The following SLC35A4 variants were observed in gnomAD, a reference collection of about 807,000 sequenced individuals.
SLC35A4 encodes the protein solute carrier family 35 member A4.
In SLC35A4, 9 loss-of-function variants were observed where a neutral mutation model predicts 18.8. The observed-to-expected ratio is 0.48, with a 90% confidence interval of 0.29 to 0.83. The LOEUF is 0.83. Ranked by LOEUF, SLC35A4 falls within the 40% of genes least tolerant of loss-of-function variation. The pLI, the probability that SLC35A4 is intolerant of heterozygous loss-of-function variation, is 0.09. For missense variants in SLC35A4, 404 were observed against 415.5 expected (o/e 0.97, Z 0.24); for synonymous variants, 189 against 191.9 (o/e 0.98, Z 0.13).
Position 140,568,903 on chromosome 5 carries a change from G to A in SLC35A4, c.*759G>A, listed in dbSNP as rs985083456. 1 of 167,198 alleles carries A rather than the reference G, an allele frequency of 6.0e-6. No individual in the cohort carries two copies. The highest frequency in any genetic ancestry group is 2.4e-5 in the African/African-American group (1 of 41,460). 10.4% of individuals were successfully genotyped at this position (167,198 alleles called of 1,614,324 possible). ...CTACCCACTCTGAGGCTCCTAGGAG[G>A]TACCATGCTTCCCACTCTGGGGCCT... On this transcript the variant is annotated 3_prime_UTR_variant, in exon 3 of 3. Transcript: ENST00000323146.
intron 1 of SLC35A4, chr5:140,565,663 A>C (rs770271116): frequency 2.8e-6 from 1 of 360,940 alleles, no homozygotes; most frequent in Admixed American, 4.7e-5. Flanking sequence ...TTACTGGTTC[A>C]GATCCCATCT....
Position 140,566,793 on chromosome 5 carries a change from C to T in SLC35A4, c.-377C>T. 1.7e-6 allele frequency: 1 copy of T among 599,106 alleles called. No homozygotes were observed. Among genetic ancestry groups the T allele is most frequent in the East Asian group, 2.8e-5 (1 of 36,314 alleles). 37.1% of individuals were successfully genotyped at this position (599,106 alleles called of 1,614,324 possible). ...GGTGCCATGGAAGAGGCAGGATGAG[C>T]AGCTCAGCCTTCAGGTGGAGACACT... On this transcript the variant is annotated 5_prime_UTR_variant, in exon 3 of 3. Transcript: ENST00000323146.
In SLC35A4 at chr5:140,567,116, C is replaced by T; in HGVS notation, c.-54C>T. The T allele has an allele frequency of 3.7e-6, 6 of 1,613,346 alleles. No individual in the cohort carries two copies. Among genetic ancestry groups the T allele is most frequent in the Non-Finnish European group, 5.1e-6 (6 of 1,179,974 alleles). On this transcript the variant is annotated 5_prime_UTR_variant, in exon 3 of 3. Coordinates refer to ENST00000323146, the MANE Select transcript of SLC35A4 (RefSeq NM_080670.4). Reference sequence around the variant, plus strand: ...AGCTGGCTCCATAACTTGATTTTCCCCAAACGTGTTGCAATCCCTGCTGCC... The same window carrying T: ...AGCTGGCTCCATAACTTGATTTTCCTCAAACGTGTTGCAATCCCTGCTGCC...
At position 140,566,694 on chromosome 5, in the gene SLC35A4, T is replaced by G. The variant is rs1269200924; in HGVS notation, c.-476T>G. The G allele has an allele frequency of 5.3e-5, 30 of 569,936 alleles. No individual in the cohort carries two copies. Among genetic ancestry groups the G allele is most frequent in the Non-Finnish European group, 2.8e-5 (9 of 321,738 alleles). 35.3% of individuals were successfully genotyped at this position (569,936 alleles called of 1,614,324 possible). A position where few individuals can be genotyped will look rare whatever the true frequency, so the allele number is the denominator to read the frequency against. On this transcript the variant is annotated 5_prime_UTR_variant, in exon 3 of 3. Transcript: ENST00000323146. ...CACTGGCATCTATGCGGCTCAGGCATATGCTGTGCCCAACGTGGAGAAGAC... is the reference window on the plus strand; with the variant it reads ...CACTGGCATCTATGCGGCTCAGGCAGATGCTGTGCCCAACGTGGAGAAGAC...
rs1755206582 is a variant in SLC35A4, at chr5:140,567,156, G to T, written c.-14G>T. On this transcript the variant is annotated 5_prime_UTR_variant, in exon 3 of 3. Coordinates refer to ENST00000323146, the MANE Select transcript of SLC35A4 (RefSeq NM_080670.4). ...TCCCTGCTGCCCCTTAGCCACCCAGGGTCTTGTGTGGGTATGAGTGTAGAG... is the reference window on the plus strand; with the variant it reads ...TCCCTGCTGCCCCTTAGCCACCCAGTGTCTTGTGTGGGTATGAGTGTAGAG... 6.2e-7 allele frequency: 1 copy of T among 1,614,200 alleles called. No homozygotes were observed. Among genetic ancestry groups the T allele is most frequent in the African/African-American group, 1.3e-5 (1 of 75,060 alleles).
In SLC35A4 at chr5:140,567,680, C is replaced by T. The variant is rs1345327491; in HGVS notation, c.511C>T (p.Pro171Ser). The T allele has an allele frequency of 1.2e-6, 2 of 1,614,054 alleles. No homozygotes were observed. The highest frequency in any genetic ancestry group is 1.1e-5 in the South Asian group (1 of 91,078). Residue 171 changes from proline to serine, a missense_variant, in exon 3 of 3, where the codon CCC (proline) becomes TCC (serine). Physicochemically the swap from Pro to Ser is moderately conservative, Grantham distance 74. Transcript: ENST00000323146. ...LQVPGNTLPS[P>S]PPAAAASPMP... The stretch of plus-strand genomic sequence containing the variant: ...AGTTCCCGGGAACACCCTTCCCAGT[C>T]CCCCTCCAGCAGCTGCTGCCAGCCC...
chr5:140,567,347 A>G lies in SLC35A4; in HGVS notation c.178A>G (p.Thr60Ala). The G allele has an allele frequency of 6.8e-6, 11 of 1,614,098 alleles. No homozygotes were observed. Among genetic ancestry groups the G allele is most frequent in the Non-Finnish European group, 8.5e-6 (10 of 1,179,992 alleles). The part of the protein sequence containing the change: ...PSSAVLLTEL[T>A]KLLLCAFSLL... ...CTCAGCCGTGCTGCTGACTGAGCTG[A>G]CCAAGCTACTGTTATGCGCCTTCTC... is the stretch of plus-strand genomic sequence containing the variant. Residue 60 changes from threonine to alanine, a missense_variant, in exon 3 of 3, where the codon ACC (threonine) becomes GCC (alanine). Coordinates refer to ENST00000323146, the MANE Select transcript of SLC35A4 (RefSeq NM_080670.4).
intron 2 of SLC35A4, 24 bp from the exon 3 acceptor site, chr5:140,566,541 T>C (rs1755191987): frequency 2.4e-6 from 1 of 411,916 alleles, no homozygotes; most frequent in African/African-American, 2.1e-5. Context: ...CTAGCTAAGT[T>C]TCCTTCTGCA....
chr5:140,567,689 G>A lies in SLC35A4; in HGVS notation c.520G>A (p.Ala174Thr). ...PGNTLPSPPPAAAASPMPLHI... is the reference protein window; with the variant it reads ...PGNTLPSPPPTAAASPMPLHI... ...GAACACCCTTCCCAGTCCCCCTCCA[G>A]CAGCTGCTGCCAGCCCCATGCCCCT... Residue 174 changes from alanine (A) to threonine (T), a missense_variant, in exon 3 of 3, where the codon GCA becomes ACA. Coordinates refer to ENST00000323146, the MANE Select transcript of SLC35A4 (RefSeq NM_080670.4). The A allele has an allele frequency of 6.2e-7, 1 of 1,614,052 alleles. No homozygotes were observed.
chr5:140,564,950 C>G lies in SLC35A4; in HGVS notation c.-705+92C>G, dbSNP rs1440134811. On this transcript the variant is annotated intron_variant, in intron 1 of 2. Transcript: ENST00000323146. The surrounding 1 kb of genome is among the most constrained non-coding windows in gnomAD (Gnocchi z 5.0). ...GGGGAGAAGCGACTCTGGAGCGGCT[C>G]AGGAGTGAGGATGTCCCTTGTTTCT... 2 of 400,052 alleles carry G rather than the reference C, an allele frequency of 5.0e-6. No homozygotes were observed. The highest frequency in any genetic ancestry group is 8.8e-6 in the Non-Finnish European group (2 of 226,546). The allele number at this position is 400,052 out of a possible 1,614,324, so 24.8% of individuals were successfully genotyped here.
chr5:140,565,137 C>T (rs1475093125), intron 1 of SLC35A4: 5 of 380,266 alleles, frequency 1.3e-5, no homozygotes, highest in South Asian at 1.5e-4. Flanking sequence ...ACACTCCTCA[C>T]TTTACCCCAT....
chr5:140,566,602 T>C lies in SLC35A4; in HGVS notation c.-568T>C. ...TTGTCCTCCCCGTTCCTCAAGGGAT[T>C]CCTGGCTGGCTATGTGGTGGCCAAA... On this transcript the variant is annotated 5_prime_UTR_variant, in exon 3 of 3. Transcript: ENST00000323146. 2.3e-6 allele frequency: 1 copy of C among 436,540 alleles called. No individual in the cohort carries two copies. The highest frequency in any genetic ancestry group is 3.4e-5 in the East Asian group (1 of 29,824). 27.0% of individuals were successfully genotyped at this position (436,540 alleles called of 1,614,324 possible).
rs34272363 is a variant in SLC35A4 at position 140,567,402 on chromosome 5, AG to A, written c.237del (p.Pro81HisfsTer23). 6.2e-7 allele frequency: 1 copy of A among 1,614,000 alleles called. No individual in the cohort carries two copies. The highest frequency in any genetic ancestry group is 8.5e-7 in the Non-Finnish European group (1 of 1,180,038). On this transcript the variant is annotated frameshift_variant, in exon 3 of 3. Coordinates refer to ENST00000323146, the MANE Select transcript of SLC35A4 (RefSeq NM_080670.4). LOFTEE classifies it high-confidence loss of function. Reference sequence around the variant, plus strand: ...CTGGTAGGCTGGCAAGCATGGCCCCAGGGGCCCCCACCCTGGCGCCAGGCTG... The same window carrying A: ...CTGGTAGGCTGGCAAGCATGGCCCCAGGGCCCCCACCCTGGCGCCAGGCTG... ...SLLVGWQAWP[Q>X]GPPPWRQAAP...
At position 140,567,280 on chromosome 5, in the gene SLC35A4, G is replaced by A. The variant is rs1755210712; in HGVS notation, c.111G>A (p.Leu37=). The change falls in exon 3 of 3, where the codon CTG becomes CTA. Residue 37 remains leucine (L), a synonymous_variant. Coordinates refer to ENST00000323146, the MANE Select transcript of SLC35A4 (RefSeq NM_080670.4). ...TAMYGAHAPL[L]ALCHVDGRVP... is the part of the protein sequence containing the mutation. Reference sequence around the variant, plus strand: ...TGTACGGTGCCCATGCCCCATTGCTGGCACTGTGCCATGTGGACGGCCGAG... The same window carrying A: ...TGTACGGTGCCCATGCCCCATTGCTAGCACTGTGCCATGTGGACGGCCGAG... 6.2e-7 allele frequency: 1 copy of A among 1,614,156 alleles called. No individual in the cohort carries two copies. Among genetic ancestry groups the A allele is most frequent in the Non-Finnish European group, 8.5e-7 (1 of 1,180,010 alleles).
chr5:140,568,997 G>A lies in SLC35A4; in HGVS notation c.*853G>A, dbSNP rs546072909. The A allele has an allele frequency of 1.8e-5, 3 of 167,168 alleles. No homozygotes were observed. The highest frequency in any genetic ancestry group is 7.2e-5 in the African/African-American group (3 of 41,552). 10.4% of individuals were successfully genotyped at this position (167,168 alleles called of 1,614,324 possible). A position where few individuals can be genotyped will look rare whatever the true frequency, so the allele number is the denominator to read the frequency against. ...CTCTGCACAGAGTGACCTGAGACCA[G>A]GTACAGGAAACCTGTAGCTCAATCA... On this transcript the variant is annotated 3_prime_UTR_variant, in exon 3 of 3. Transcript: ENST00000323146.
Position 140,568,315 on chromosome 5 carries a change from G to C in SLC35A4, c.*171G>C, listed in dbSNP as rs1049504456. 3.8e-6 allele frequency: 4 copies of C among 1,050,404 alleles called. No individual in the cohort carries two copies. The African/African-American group carries it at 6.4e-5, about 17-fold the overall frequency. 65.1% of individuals were successfully genotyped at this position (1,050,404 alleles called of 1,614,324 possible). A position where few individuals can be genotyped will look rare whatever the true frequency, so the allele number is the denominator to read the frequency against. On this transcript the variant is annotated 3_prime_UTR_variant, in exon 3 of 3. Transcript: ENST00000323146. ...TATTCTCTGGAGGTTGGTGGATGAA[G>C]GGGTACCCCTAGGAGATGTGAAGTG...
rs1755254371 is a variant in SLC35A4, at chr5:140,568,888, T to C, written c.*744T>C. ...CTGTCTTGAAGCCCGCTACCCACTCTGAGGCTCCTAGGAGGTACCATGCTT... is the reference window on the plus strand; with the variant it reads ...CTGTCTTGAAGCCCGCTACCCACTCCGAGGCTCCTAGGAGGTACCATGCTT... On this transcript the variant is annotated 3_prime_UTR_variant, in exon 3 of 3. Transcript: ENST00000323146. 6.0e-6 allele frequency: 1 copy of C among 167,096 alleles called. No homozygotes were observed. Among genetic ancestry groups the C allele is most frequent in the Non-Finnish European group, 1.5e-5 (1 of 68,114 alleles). 10.4% of individuals were successfully genotyped at this position (167,096 alleles called of 1,614,324 possible).
In SLC35A4 at chr5:140,566,976, T is replaced by A; in HGVS notation, c.-194T>A. 1 of 834,996 alleles carries A rather than the reference T, an allele frequency of 1.2e-6. No individual in the cohort carries two copies. Among genetic ancestry groups the A allele is most frequent in the Non-Finnish European group, 2.0e-6 (1 of 505,880 alleles). 51.7% of individuals were successfully genotyped at this position (834,996 alleles called of 1,614,324 possible). On this transcript the variant is annotated 5_prime_UTR_variant, in exon 3 of 3. Coordinates refer to ENST00000323146, the MANE Select transcript of SLC35A4 (RefSeq NM_080670.4). ...AGCTCCATGGGACTCGCCCCAAGACTGTGGCTTCAAGGACCACCAGCCCCT... is the reference window on the plus strand; with the variant it reads ...AGCTCCATGGGACTCGCCCCAAGACAGTGGCTTCAAGGACCACCAGCCCCT...
chr5:140,568,143 A>T lies in SLC35A4; in HGVS notation c.974A>T (p.Ter325LeuextTer61). 1.2e-6 allele frequency: 2 copies of T among 1,613,808 alleles called. No homozygotes were observed. Among genetic ancestry groups the T allele is most frequent in the Non-Finnish European group, 1.7e-6 (2 of 1,180,040 alleles). Reference protein sequence around the residue: ...LAMRLYYGSR* With the variant: ...LAMRLYYGSRL ...ATGCGCCTGTACTATGGCAGCCGCT[A>T]GTCCCTGACAACTTCCACCCTGATT... Residue 325 changes from the stop codon to leucine, a stop_lost, in exon 3 of 3, where the codon TAG (stop) becomes TTG (leucine). Coordinates refer to ENST00000323146, the MANE Select transcript of SLC35A4 (RefSeq NM_080670.4).
Sources: allele counts gnomAD v4.1 joint callset, GRCh38; gene constraint gnomAD v4.1.1; non-coding constraint Gnocchi (gnomAD v3.1); transcripts MANE v1.5; gene names NCBI Gene and HGNC (gene_info 2026-07-23, HGNC 2026-07-21).